The following MME variants were observed in gnomAD, a reference collection of about 807,000 sequenced individuals.
MME encodes membrane metalloendopeptidase.
A neutral mutation model predicts 113.2 loss-of-function variants in MME; 98 were observed. That is an observed-to-expected ratio of 0.87 (90% CI 0.74 to 1.02). The LOEUF (loss-of-function observed/expected upper bound fraction) is 1.02. MME is among the 50% of genes least tolerant of loss of function. The probability of loss-of-function intolerance (pLI) is 0.00; values close to 1 mark genes in which losing one functional copy is unlikely to be tolerated. For synonymous variants in MME, 292 were observed against 300.6 expected (o/e 0.97, Z 0.30); for missense variants, 836 against 896.0 (o/e 0.93, Z 0.86).
At chr3:155,077,597 G>A (rs888949484), upstream of MME, among the ~76,000 whole-genome samples, 1 of 151,968 alleles carries the variant, frequency 6.6e-6, no homozygotes, top group African/African-American at 2.4e-5. Flanking sequence ...ATGAAATCAA[G>A]ATATTGTAAG....
chr3:155,133,054 A>ATATATATATATATATATATATATAT (rs1376707409), intron 8 of MME, among the ~76,000 whole-genome samples: 1 of 86,164 alleles, frequency 1.2e-5, no homozygotes, highest in African/African-American at 4.5e-5. Flanking sequence ...AAAAAAAAAA[A>ATATATATATATATATATATATATAT]AAAAAAAAAT....
At chr3:155,075,531 ATTTTG>A (rs1449846326), upstream of MME, among the ~76,000 whole-genome samples, 1 of 151,550 alleles carries the variant, frequency 6.6e-6, no homozygotes, top group Non-Finnish European at 1.5e-5. Context: ...CTTATGTTTA[ATTTTG>A]TTTTTTCTTT....
chr3:155,147,276 A>G, intron 15 of MME, 52 bp downstream of exon 15: 2 of 1,163,396 alleles, frequency 1.7e-6, no homozygotes, highest in Non-Finnish European at 2.6e-6. Flanking sequence ...GGCTGGTAGT[A>G]GTGTCATTTT....
rs779697692 is a variant in MME, at chr3:155,116,479, A to G, written c.359A>G (p.Asp120Gly). 6.9e-6 allele frequency: 11 copies of G among 1,600,428 alleles called. No homozygotes were observed. The Admixed American group carries it at 1.3e-4, about 19-fold the overall frequency. ...CATTTTATTAAATGTCCTATTTCAG[A>G]TGTCCTTCAAGAACCCAAAACTGAA... ...LRDELEVVLK[D>G]VLQEPKTEDI... Residue 120 changes from aspartate (D) to glycine (G), a missense_variant and splice_region_variant, in exon 5 of 23, where the codon GAT becomes GGT. Coordinates refer to ENST00000360490, the MANE Select transcript of MME (RefSeq NM_007289.4).
chr3:155,025,482 G>A (rs1020609513), intron 1 of MME, among the ~76,000 whole-genome samples: 5 of 151,184 alleles, frequency 3.3e-5, no homozygotes, highest in Admixed American at 6.6e-5. Context: ...AAATTAGCTG[G>A]GCATCGTGGC....
At chr3:155,043,672 A>T (rs1713437765) in intron 1 of MME, among the ~76,000 whole-genome samples, 1 of 152,038 alleles carries the variant, frequency 6.6e-6, no homozygotes, top group African/African-American at 2.4e-5. Flanking sequence ...CACCTTCATA[A>T]TATATTAATT....
intron 8 of MME, among the ~76,000 whole-genome samples, chr3:155,119,075 T>A (rs1390722285): frequency 6.6e-6 from 1 of 152,226 alleles, no homozygotes; most frequent in Non-Finnish European, 1.5e-5. Flanking sequence ...TATGATCGAT[T>A]TTGAAAAGTT....
At chr3:155,172,063 A>T in intron 20 of MME, 54 bp from the exon 21 acceptor site, 1 of 1,037,112 alleles carries the variant, frequency 9.6e-7, no homozygotes, top group Non-Finnish European at 1.5e-6. Context: ...ACATAGGTTT[A>T]TATATAACCT....
chr3:155,028,466 T>G (rs1021146033), intron 1 of MME, among the ~76,000 whole-genome samples: 1 of 152,170 alleles, frequency 6.6e-6, no homozygotes, highest in African/African-American at 2.4e-5. Context: ...CTGCTCATTA[T>G]TAGCAAGGGG....
rs59226923 is a variant in MME, at chr3:155,126,381, C to T, written c.720+7570C>T. On this transcript the variant is annotated intron_variant, in intron 8 of 22. Coordinates refer to ENST00000360490, the MANE Select transcript of MME (RefSeq NM_007289.4). Reference sequence around the variant, plus strand: ...CTGATATCAAGGTATACCTGGCAGTCGATGTATATATTTAAGGCAGTAAAA... The same window carrying T: ...CTGATATCAAGGTATACCTGGCAGTTGATGTATATATTTAAGGCAGTAAAA... Among the ~76,000 whole-genome samples the T allele has an allele frequency of 1.7e-3, 260 of 149,568 alleles. 1 individual carries two copies. The highest frequency in any genetic ancestry group is 5.9e-3 in the African/African-American group (240 of 40,450).
At chr3:155,032,116 C>G (rs535327865) in intron 1 of MME, among the ~76,000 whole-genome samples, 44 of 152,104 alleles carry the variant, frequency 2.9e-4, no homozygotes, top group Admixed American at 4.6e-4. Flanking sequence ...ATACATAAAT[C>G]TCACTGTAGT....
At chr3:155,118,217 A>G (rs1387321303) in intron 7 of MME, among the ~76,000 whole-genome samples, 2 of 152,182 alleles carry the variant, frequency 1.3e-5, no homozygotes, top group African/African-American at 4.8e-5. Flanking sequence ...TACATTAGCT[A>G]AAAGATTCTG....
chr3:155,155,297 A>G (rs1367509738), intron 16 of MME, among the ~76,000 whole-genome samples: 2 of 152,222 alleles, frequency 1.3e-5, no homozygotes, highest in Admixed American at 1.3e-4. Flanking sequence ...AACACAATTA[A>G]AAGGTCCTAA....
At chr3:155,029,050 C>G (rs1712883788) in intron 1 of MME, among the ~76,000 whole-genome samples, 1 of 152,094 alleles carries the variant, frequency 6.6e-6, no homozygotes. Context: ...GAAAGGAGAT[C>G]AAAGTTATTA....
At chr3:155,066,446 A>G (rs1312198187) in intron 1 of MME, among the ~76,000 whole-genome samples, 1 of 152,098 alleles carries the variant, frequency 6.6e-6, no homozygotes, top group Admixed American at 6.5e-5. Flanking sequence ...CATCTCCTCA[A>G]CCCAATAGTG....
intron 1 of MME, among the ~76,000 whole-genome samples, chr3:155,069,722 G>A (rs16824536): frequency 0.11 from 16,345 of 152,132 alleles, 1,536 homozygotes; most frequent in African/African-American, 0.26. Context: ...ATCACCCTGA[G>A]TTCCTAGGCA....
chr3:155,033,513 C>T (rs1011104494), intron 1 of MME, among the ~76,000 whole-genome samples: 11 of 151,982 alleles, frequency 7.2e-5, no homozygotes, highest in Non-Finnish European at 1.6e-4. Flanking sequence ...GTGAAAATGC[C>T]TATTGTTATA....
intron 13 of MME, 84 bp from the exon 14 acceptor site, chr3:155,144,275 A>C: frequency 1.1e-6 from 1 of 909,844 alleles, no homozygotes; most frequent in South Asian, 1.3e-5. Context: ...AGTCATACAA[A>C]GATAGCATGT....
rs940669327 is a variant in MME, at chr3:155,179,586, G to A, written c.2154-774G>A. ...GCCCCTCCTCCCAACCCAAGCAAAC[G>A]TGGTAGGCTGGCCTTAGCAGGAGGA... On this transcript the variant is annotated intron_variant, in intron 22 of 22. Coordinates refer to ENST00000360490, the MANE Select transcript of MME (RefSeq NM_007289.4). 3.3e-5 allele frequency among the ~76,000 whole-genome samples: 5 copies of A among 152,252 alleles called. No individual in the cohort carries two copies. In the South Asian group the frequency reaches 6.2e-4, roughly 19 times the overall value.
Sources: gnomAD v4.1 joint callset for allele counts (sites outside exome capture counted in the v4.1 genomes callset) on GRCh38, gnomAD v4.1.1 for gene constraint, MANE v1.5 for transcripts, NCBI Gene and HGNC (gene_info 2026-07-23, HGNC 2026-07-21) for gene names.